Variants in P3H2 observed in about 807,000 individuals in gnomAD.
P3H2 encodes the protein leprecan-like 1.
In P3H2, 80 loss-of-function variants were observed where a neutral mutation model predicts 87.0. The observed-to-expected ratio is 0.92, with a 90% CI of 0.77 to 1.11. The LOEUF is 1.11. Ranked by LOEUF, P3H2 falls within the 50% of genes least tolerant of loss-of-function variation. P3H2 has a pLI of 0.00. For missense variants in P3H2, 1,001 were observed against 923.9 expected, an observed-to-expected ratio of 1.08 and a Z score of -1.08; for synonymous variants, 367 against 359.3, an observed-to-expected ratio of 1.02 and a Z score of -0.24.
chr3:190,085,544 C>T (rs1029368431), intron 1 of P3H2, among the ~76,000 whole-genome samples: 3 of 152,174 alleles, frequency 2.0e-5, no homozygotes, highest in Non-Finnish European at 4.4e-5. Flanking sequence ...ATGCTCCTTC[C>T]TTGTAAATAA....
At chr3:190,039,415 C>G (rs1194089387) in intron 1 of P3H2, among the ~76,000 whole-genome samples, 1 of 152,164 alleles carries the variant, frequency 6.6e-6, no homozygotes, top group Non-Finnish European at 1.5e-5. Context: ...GCATCTAATT[C>G]TGATATGATA....
At chr3:189,997,124 C>T (rs1724076414) in intron 1 of P3H2, among the ~76,000 whole-genome samples, 1 of 152,170 alleles carries the variant, frequency 6.6e-6, no homozygotes, top group Non-Finnish European at 1.5e-5. Flanking sequence ...AGGGTTCAAG[C>T]GATTCTCCTG....
chr3:190,002,463 T>C (rs1472602240), intron 1 of P3H2, among the ~76,000 whole-genome samples: 2 of 151,726 alleles, frequency 1.3e-5, no homozygotes, highest in East Asian at 3.9e-4. Flanking sequence ...TGCAATGGCA[T>C]GGTCTCAGCT....
intron 1 of P3H2, among the ~76,000 whole-genome samples, chr3:190,017,088 CTCTATTA>C (rs1724778900): frequency 1.3e-5 from 2 of 152,266 alleles, no homozygotes; most frequent in South Asian, 4.1e-4. Flanking sequence ...ACATGCATAT[CTCTATTA>C]TGGGAGCTGC....
At position 189,957,995 on chromosome 3, in the gene P3H2, G is replaced by A. The variant is rs1722692833; in HGVS notation, c.2044C>T (p.Gln682Ter). ...AGAATTGCAATCACTTCATCAGCCT[G>A]TATTCGCTCCTGCAAAAAAGACAAT... is the stretch of plus-strand genomic sequence containing the variant. ...DPLYRELERIQADEVIAILDQ... is the reference protein window; with the variant it reads ...DPLYRELERI Residue 682 changes from glutamine (Q) to a stop codon, truncating the protein, a stop_gained, in exon 15 of 15, where the codon CAG becomes TAG. Transcript: ENST00000319332. LOFTEE classifies it high-confidence loss of function. 15 of 1,612,688 alleles carry A rather than the reference G, an allele frequency of 9.3e-6. No homozygotes were observed. Among genetic ancestry groups the A allele is most frequent in the Non-Finnish European group, 1.2e-5 (14 of 1,178,722 alleles).
At chr3:190,044,423 C>T (rs936819717) in intron 1 of P3H2, among the ~76,000 whole-genome samples, 3 of 152,206 alleles carry the variant, frequency 2.0e-5, no homozygotes, top group Admixed American at 2.0e-4. Context: ...TCCTTTGCAG[C>T]TGCCACACCT....
At chr3:190,111,462 C>T (rs978994896) in intron 1 of P3H2, among the ~76,000 whole-genome samples, 2 of 152,002 alleles carry the variant, frequency 1.3e-5, no homozygotes, top group Non-Finnish European at 2.9e-5. Flanking sequence ...GCCTGGAATA[C>T]TAGTGTTCCA....
In P3H2 at chr3:190,045,239, T is replaced by C. The variant is rs1725763593; in HGVS notation, c.481-49797A>G. On this transcript the variant is annotated intron_variant, in intron 1 of 14. Transcript: ENST00000319332. The stretch of plus-strand genomic sequence containing the variant: ...AAGGCCCAGATCATCTAAGCCATTG[T>C]AGGCCAATGTGAAAAGCTTGGATTT... Among the ~76,000 whole-genome samples the C allele has an allele frequency of 2.6e-5, 4 of 152,234 alleles. No homozygotes were observed. The South Asian group carries it at 6.2e-4, about 24-fold the overall frequency.
At chr3:189,994,858 A>C (rs911600049) in intron 2 of P3H2, among the ~76,000 whole-genome samples, 2 of 152,060 alleles carry the variant, frequency 1.3e-5, no homozygotes, top group Non-Finnish European at 2.9e-5. Context: ...TACAGGTACA[A>C]TGGGCAAACC....
chr3:189,957,875 T>G lies in P3H2; in HGVS notation c.*37A>C. The stretch of plus-strand genomic sequence containing the variant: ...AAAAAGGTTCTCATAAGATTAACAA[T>G]TTAAATAAATATTTGATAGAACATT... On this transcript the variant is annotated 3_prime_UTR_variant, in exon 15 of 15. Coordinates refer to ENST00000319332, the MANE Select transcript of P3H2 (RefSeq NM_018192.4). The G allele has an allele frequency of 1.4e-6, 2 of 1,398,326 alleles. No individual in the cohort carries two copies. The highest frequency in any genetic ancestry group is 2.0e-6 in the Non-Finnish European group (2 of 984,474). The allele number at this position is 1,398,326 out of a possible 1,614,324, so 86.6% of individuals were successfully genotyped here. A position where few individuals can be genotyped will look rare whatever the true frequency, so the allele number is the denominator to read the frequency against.
At chr3:190,040,586 T>C (rs1393076131) in intron 1 of P3H2, among the ~76,000 whole-genome samples, 2 of 152,164 alleles carry the variant, frequency 1.3e-5, no homozygotes, top group East Asian at 1.9e-4. Flanking sequence ...ATCACAAACA[T>C]AGACAGTAGT....
chr3:189,972,122 G>C, intron 11 of P3H2, 115 bp from the exon 12 acceptor site: 1 of 731,350 alleles, frequency 1.4e-6, no homozygotes, highest in Non-Finnish European at 2.5e-6. Context: ...GGCAGAGGCA[G>C]ACAACAGGAA....
chr3:190,075,063 TATA>T (rs1438823893), intron 1 of P3H2, among the ~76,000 whole-genome samples: 1 of 152,222 alleles, frequency 6.6e-6, no homozygotes, highest in African/African-American at 2.4e-5. Context: ...CCTTTTAGCA[TATA>T]ATGAGAGTGA....
chr3:189,972,948 A>ATGT lies in P3H2; in HGVS notation c.1624_1625insACA (p.Val542delinsAspIle). The ATGT allele has an allele frequency of 6.2e-7, 1 of 1,614,016 alleles. No homozygotes were observed. Among genetic ancestry groups the ATGT allele is most frequent in the East Asian group, 2.2e-5 (1 of 44,868 alleles). On this transcript the variant is annotated protein_altering_variant, in exon 11 of 15. Transcript: ENST00000319332. ...TGAGTTCAGCATAAAATAAGATTCT[A>ATGT]CAATCCTTCGAGCCTTTTCGCTGAT... is the stretch of plus-strand genomic sequence containing the variant.
intron 1 of P3H2, among the ~76,000 whole-genome samples, chr3:190,097,537 TC>T (rs912387403): frequency 6.6e-6 from 1 of 152,002 alleles, no homozygotes; most frequent in African/African-American, 2.4e-5. Flanking sequence ...AATTCAGACC[TC>T]CCTCACAGGT....
At chr3:189,958,270 T>C (rs912696880) in intron 14 of P3H2, among the ~76,000 whole-genome samples, 1 of 152,172 alleles carries the variant, frequency 6.6e-6, no homozygotes, top group African/African-American at 2.4e-5. Flanking sequence ...CATGGCCCCA[T>C]AGCCATCTCC....
chr3:190,084,790 A>C (rs1727156992), intron 1 of P3H2, among the ~76,000 whole-genome samples: 1 of 152,132 alleles, frequency 6.6e-6, no homozygotes, highest in Admixed American at 6.6e-5. Context: ...TTCTGAACTG[A>C]GGTTTTGTTT....
rs751473111 is a variant in P3H2 at position 189,987,697 on chromosome 3, G to C, written c.956-28C>G. 33 of 1,613,696 alleles carry C rather than the reference G, an allele frequency of 2.0e-5. No homozygotes were observed. The Middle Eastern group carries it at 1.2e-3, about 56-fold the overall frequency. ...GAAAGACAAAGGAGTTGCAGCATTA[G>C]AGTCAGCCTAGGTCTGTCCAAAGGA... On this transcript the variant is annotated intron_variant, in intron 4 of 14. Coordinates refer to ENST00000319332, the MANE Select transcript of P3H2 (RefSeq NM_018192.4).
At chr3:190,060,952 T>G (rs567231045) in intron 1 of P3H2, among the ~76,000 whole-genome samples, 3 of 152,262 alleles carry the variant, frequency 2.0e-5, no homozygotes, top group Non-Finnish European at 4.4e-5. Flanking sequence ...ATGGGGCACA[T>G]GTACAATTTT....
Sources: gnomAD v4.1 joint callset for allele counts (sites outside exome capture counted in the v4.1 genomes callset) on GRCh38, gnomAD v4.1.1 for gene constraint, MANE v1.5 for transcripts, NCBI Gene and HGNC (gene_info 2026-07-23, HGNC 2026-07-21) for gene names.